RORA: variants seen among roughly 807,000 people sequenced by gnomAD.
RORA encodes the protein RAR related orphan receptor A, also known as nuclear receptor ROR-alpha.
RORA carries 7 observed loss-of-function variants against 69.5 expected under a neutral mutation model. The observed-to-expected ratio is 0.10, with a 90% CI of 0.06 to 0.19. The LOEUF is 0.19. RORA is among the 10% of genes least tolerant of loss of function. The pLI is 1.00. For synonymous variants in RORA, 261 were observed against 240.8 expected (o/e 1.08, Z -0.78); for missense variants, 457 against 663.0 (o/e 0.69, Z 3.41).
chr15:61,216,907 A>C (rs1382421624), intron 1 of RORA, among the ~76,000 whole-genome samples: 2 of 152,098 alleles, frequency 1.3e-5, no homozygotes, highest in African/African-American at 4.8e-5. Flanking sequence ...GCTTGTAAAA[A>C]CCACATACAC....
chr15:61,222,248 G>A lies in RORA; in HGVS notation c.166+6805C>T, dbSNP rs115877642. 5.0e-3 allele frequency among the ~76,000 whole-genome samples: 762 copies of A among 152,190 alleles called. 10 individuals are homozygous for A. The highest frequency in any genetic ancestry group is 0.018 in the African/African-American group (735 of 41,528). ...CTGACCACCAGGGCCCCAGTTCTGC[G>A]GACAAAACCATCACCAGGAAACCAC... On this transcript the variant is annotated intron_variant, in intron 1 of 10. Coordinates refer to ENST00000335670, the MANE Select transcript of RORA (RefSeq NM_134261.3).
intron 3 of RORA, chr15:60,528,496 T>C (rs1002798104): frequency 2.0e-5 from 3 of 152,210 alleles, no homozygotes; most frequent in Non-Finnish European, 4.4e-5. Flanking sequence ...AAAGATGTGG[T>C]CTTCTATGTC....
At chr15:60,741,603 A>G in intron 1 of RORA, among the ~76,000 whole-genome samples, 1 of 152,206 alleles carries the variant, frequency 6.6e-6, no homozygotes, top group Non-Finnish European at 1.5e-5. Flanking sequence ...GGAAATGTAG[A>G]GGTTTACACC....
intron 1 of RORA, among the ~76,000 whole-genome samples, chr15:61,096,561 A>T (rs896664548): frequency 5.3e-5 from 8 of 152,170 alleles, no homozygotes; most frequent in Non-Finnish European, 4.4e-5. Flanking sequence ...GTTACAACCA[A>T]GTCCCCATGA....
intron 2 of RORA, among the ~76,000 whole-genome samples, chr15:60,668,107 G>A (rs1291513786): frequency 6.6e-6 from 1 of 152,100 alleles, no homozygotes; most frequent in Admixed American, 6.6e-5. Flanking sequence ...AGCATTCCTT[G>A]GCTGCTGCTC....
At chr15:60,802,732 T>C (rs554714500) in intron 1 of RORA, among the ~76,000 whole-genome samples, 1 of 152,342 alleles carries the variant, frequency 6.6e-6, no homozygotes, top group African/African-American at 2.4e-5. Context: ...AATATTTCTA[T>C]GTCTACAGAG....
rs1449681322 is a variant in RORA, at chr15:61,051,528, C to T, written c.166+177525G>A. Among the ~76,000 whole-genome samples the T allele has an allele frequency of 2.0e-5, 3 of 152,142 alleles. No homozygotes were observed. In the East Asian group the frequency reaches 5.8e-4, roughly 29 times the overall value. On this transcript the variant is annotated intron_variant, in intron 1 of 10. Transcript: ENST00000335670. Reference sequence around the variant, plus strand: ...CTGCGAAAAGAATCCTCCACTTGACCTGAATGCTCTGTATTGGCACCTTCT... The same window carrying T: ...CTGCGAAAAGAATCCTCCACTTGACTTGAATGCTCTGTATTGGCACCTTCT...
chr15:60,624,310 T>C (rs1328500900), intron 2 of RORA, among the ~76,000 whole-genome samples: 1 of 151,386 alleles, frequency 6.6e-6, no homozygotes, highest in Non-Finnish European at 1.5e-5. Flanking sequence ...GTCATAGTTA[T>C]ATATTTTATC....
chr15:60,921,403 T>C (rs1566910080), intron 1 of RORA, among the ~76,000 whole-genome samples: 1 of 152,210 alleles, frequency 6.6e-6, no homozygotes, highest in East Asian at 1.9e-4. Flanking sequence ...CACAGAATGT[T>C]AGGCAGAAGA....
chr15:61,091,850 C>T (rs2078712404), intron 1 of RORA, among the ~76,000 whole-genome samples: 1 of 151,992 alleles, frequency 6.6e-6, no homozygotes, highest in African/African-American at 2.4e-5. Flanking sequence ...TTCATTTTTT[C>T]CTGATTTGTT....
chr15:60,728,614 T>TAA lies in RORA; in HGVS notation c.167-49929_167-49928insTT, dbSNP rs112521898. On this transcript the variant is annotated intron_variant, in intron 1 of 10. Coordinates refer to ENST00000335670, the MANE Select transcript of RORA (RefSeq NM_134261.3). Reference sequence around the variant, plus strand: ...GGGATTAAAAATGAAGAAAAGATTATGTCTCCCATTTAAAAAATATTATAA... The same window carrying TAA: ...GGGATTAAAAATGAAGAAAAGATTATAAGTCTCCCATTTAAAAAATATTATAA... Among the ~76,000 whole-genome samples, 400 of 152,344 alleles carry TAA rather than the reference T, an allele frequency of 2.6e-3. 3 individuals are homozygous for TAA. The highest frequency in any genetic ancestry group is 9.3e-3 in the African/African-American group (387 of 41,572).
chr15:60,526,796 GATA>G (rs919011070), intron 3 of RORA, among the ~76,000 whole-genome samples: 2 of 152,170 alleles, frequency 1.3e-5, no homozygotes, highest in South Asian at 2.1e-4. Flanking sequence ...TCACAACTGA[GATA>G]ATAATATTAG....
intron 1 of RORA, chr15:60,736,809 G>A (rs2071506969): frequency 1.3e-5 from 2 of 152,194 alleles, no homozygotes; most frequent in African/African-American, 4.8e-5. Flanking sequence ...GATCTTGTCT[G>A]ATCTTGGAAG....
At chr15:61,074,600 T>C (rs910549851) in intron 1 of RORA, among the ~76,000 whole-genome samples, 4 of 152,238 alleles carry the variant, frequency 2.6e-5, no homozygotes, top group African/African-American at 9.7e-5. Flanking sequence ...TCAATGCTTA[T>C]CCTTCCTTCT....
chr15:61,211,242 G>C (rs2079988603), intron 1 of RORA, among the ~76,000 whole-genome samples: 1 of 150,318 alleles, frequency 6.7e-6, no homozygotes, highest in African/African-American at 2.5e-5. Context: ...ATAACTGGAA[G>C]GGCTTTCTGC....
intron 1 of RORA, among the ~76,000 whole-genome samples, chr15:61,086,910 C>T (rs1301405203): frequency 6.6e-6 from 1 of 152,130 alleles, no homozygotes; most frequent in Admixed American, 6.6e-5. Flanking sequence ...CGGTGGTTCA[C>T]GCCTGGAATC....
At chr15:60,678,713 G>T (rs200702963) in intron 1 of RORA, 27 bp from the exon 2 acceptor site, 6 of 1,602,080 alleles carry the variant, frequency 3.7e-6, no homozygotes, top group Non-Finnish European at 5.1e-6. Context: ...AATAACATAG[G>T]TTAGAAAGTG....
At chr15:61,009,284 A>C (rs1325783127) in intron 1 of RORA, among the ~76,000 whole-genome samples, 1 of 152,162 alleles carries the variant, frequency 6.6e-6, no homozygotes, top group Non-Finnish European at 1.5e-5. Context: ...GGATTTTATT[A>C]AGATAGAGTA....
At chr15:60,873,198 G>C (rs1262240358) in intron 1 of RORA, among the ~76,000 whole-genome samples, 1 of 151,712 alleles carries the variant, frequency 6.6e-6, no homozygotes, top group African/African-American at 2.4e-5. Context: ...CTCCACACCA[G>C]ATTGTGGTCT....
Sources: allele counts gnomAD v4.1 joint callset (sites outside exome capture counted in the v4.1 genomes callset), GRCh38; gene constraint gnomAD v4.1.1; transcripts MANE v1.5; gene names NCBI Gene and HGNC (gene_info 2026-07-23, HGNC 2026-07-21).